Variants in CEMIP observed in about 807,000 individuals in gnomAD.
The protein encoded by CEMIP is cell migration-inducing and hyaluronan-binding protein.
CEMIP carries 105 observed loss-of-function variants against 156.9 expected under a neutral mutation model. The observed-to-expected ratio is 0.67, with a 90% CI of 0.57 to 0.79. The LOEUF is 0.79. Ranked by LOEUF, CEMIP falls within the 30% of genes least tolerant of loss-of-function variation. CEMIP has a pLI of 0.00. For missense variants in CEMIP, 1,457 were observed against 1,769.4 expected, an observed-to-expected ratio of 0.82 and a Z score of 3.17; for synonymous variants, 676 against 668.4, an observed-to-expected ratio of 1.01 and a Z score of -0.17.
intron 14 of CEMIP, among the ~76,000 whole-genome samples, chr15:80,915,693 C>T (rs937003629): frequency 6.6e-6 from 1 of 152,110 alleles, no homozygotes; most frequent in African/African-American, 2.4e-5. Flanking sequence ...TTGTTGAGTT[C>T]TTGCCCCTCC....
At chr15:80,839,518 G>C (rs987602145) in intron 1 of CEMIP, among the ~76,000 whole-genome samples, 3 of 152,188 alleles carry the variant, frequency 2.0e-5, no homozygotes, top group Non-Finnish European at 4.4e-5. Flanking sequence ...CAGCAGCGAA[G>C]CCGGCCAGAC....
At chr15:80,861,408 A>G (rs970192001) in intron 1 of CEMIP, among the ~76,000 whole-genome samples, 1 of 152,196 alleles carries the variant, frequency 6.6e-6, no homozygotes, top group Non-Finnish European at 1.5e-5. Context: ...TGAACCCTGC[A>G]CTACGCTCAT....
intron 1 of CEMIP, among the ~76,000 whole-genome samples, chr15:80,822,376 T>C (rs1475411428): frequency 1.3e-5 from 2 of 152,176 alleles, no homozygotes; most frequent in African/African-American, 2.4e-5. Context: ...GTTTTGACAG[T>C]CTTCTCATAT....
intron 1 of CEMIP, among the ~76,000 whole-genome samples, chr15:80,854,317 C>T (rs1245798692): frequency 6.6e-6 from 1 of 152,252 alleles, no homozygotes; most frequent in Non-Finnish European, 1.5e-5. Context: ...GGGCTCTTCT[C>T]CCTGCCTGGC....
chr15:80,791,087 T>C (rs78217646), intron 1 of CEMIP, among the ~76,000 whole-genome samples: 1,525 of 151,312 alleles, frequency 0.01, 20 homozygotes, highest in African/African-American at 0.034. Flanking sequence ...GGAAGGAATA[T>C]CTTGAACTGA....
In CEMIP at chr15:80,949,436, G is replaced by T. The variant is rs924266876; in HGVS notation, c.*512G>T. The stretch of plus-strand genomic sequence containing the variant: ...CCAACCTCACAGGATTAGGAGCTGG[G>T]GTAGAACTGGCTATCCTTGGGGAAG... On this transcript the variant is annotated 3_prime_UTR_variant, in exon 30 of 30. Transcript: ENST00000394685. The T allele has an allele frequency of 2.0e-5, 4 of 202,448 alleles. No homozygotes were observed. The highest frequency in any genetic ancestry group is 6.9e-5 in the African/African-American group (3 of 43,646). The allele number at this position is 202,448 out of a possible 1,614,324, so 12.5% of individuals were successfully genotyped here. A position where few individuals can be genotyped will look rare whatever the true frequency, so the allele number is the denominator to read the frequency against.
chr15:80,896,018 C>T lies in CEMIP; in HGVS notation c.1369C>T (p.Leu457Phe). Residue 457 changes from leucine to phenylalanine, a missense_variant, in exon 12 of 30, where the codon CTT becomes TTT. Leu to Phe is a conservative substitution (Grantham distance 22). Around this residue, in one of 5 missense-constraint regions of CEMIP, gnomAD observed 280 missense variants for 300.3 expected, o/e 0.93. Transcript: ENST00000394685. ...SMYQAEEFQV[L>F]PCRSCAPNQV... ...GTACCAGGCAGAAGAGTTCCAGGTG[C>T]TTCCCTGCAGATCCTGCGCCCCCAA... 1.2e-6 allele frequency: 2 copies of T among 1,614,188 alleles called. No individual in the cohort carries two copies. The highest frequency in any genetic ancestry group is 1.7e-6 in the Non-Finnish European group (2 of 1,180,036).
At chr15:80,888,596 A>G (rs1898929512) in intron 8 of CEMIP, 105 bp from the exon 9 acceptor site, 9 of 815,052 alleles carry the variant, frequency 1.1e-5, no homozygotes, top group Non-Finnish European at 1.9e-5. Context: ...TTTTAAAGAA[A>G]TGAGTCAATG....
In CEMIP at chr15:80,884,156, TTC is replaced by T. The variant is rs1242412768; in HGVS notation, c.618-13_618-12del. ...CTGCGGTCAAGACTATTCAGATCTCTTCTCTCTGCCCTTTTTAGGTTTGACAC... is the reference window on the plus strand; with the variant it reads ...CTGCGGTCAAGACTATTCAGATCTCTTCTCTGCCCTTTTTAGGTTTGACAC... On this transcript the variant is annotated splice_polypyrimidine_tract_variant and intron_variant, in intron 6 of 29. Transcript: ENST00000394685. 1.9e-6 allele frequency: 3 copies of T among 1,613,716 alleles called. No individual in the cohort carries two copies. Among genetic ancestry groups the T allele is most frequent in the Admixed American group, 1.7e-5 (1 of 60,014 alleles).
At chr15:80,812,281 G>A (rs975827096) in intron 1 of CEMIP, among the ~76,000 whole-genome samples, 1 of 152,142 alleles carries the variant, frequency 6.6e-6, no homozygotes, top group Admixed American at 6.5e-5. Context: ...CTGCATCTGG[G>A]GATCACTTAA....
At chr15:80,911,760 C>G (rs1456436640) in intron 14 of CEMIP, among the ~76,000 whole-genome samples, 1 of 152,258 alleles carries the variant, frequency 6.6e-6, no homozygotes, top group African/African-American at 2.4e-5. Flanking sequence ...GAGTGCTGAG[C>G]CCAGGTCTTA....
intron 1 of CEMIP, among the ~76,000 whole-genome samples, chr15:80,855,752 T>C (rs1324618171): frequency 6.6e-6 from 1 of 152,150 alleles, no homozygotes; most frequent in Admixed American, 6.5e-5. Flanking sequence ...CGAACTCCTG[T>C]CCTCAAGAGA....
At chr15:80,784,345 A>G (rs1209211546) in intron 1 of CEMIP, among the ~76,000 whole-genome samples, 1 of 152,058 alleles carries the variant, frequency 6.6e-6, no homozygotes, top group Non-Finnish European at 1.5e-5. Context: ...TTGCTGTCTT[A>G]CCTGTTTTTA....
At chr15:80,830,118 T>C (rs1897128484) in intron 1 of CEMIP, among the ~76,000 whole-genome samples, 1 of 152,168 alleles carries the variant, frequency 6.6e-6, no homozygotes, top group Non-Finnish European at 1.5e-5. Context: ...TGACTCCTTG[T>C]CTCACAATTC....
intron 6 of CEMIP, among the ~76,000 whole-genome samples, 168 bp downstream of exon 6, chr15:80,881,304 G>A (rs544971873): frequency 5.8e-4 from 89 of 152,330 alleles, no homozygotes; most frequent in African/African-American, 2.1e-3. Flanking sequence ...TTGGCCTAAT[G>A]ATGCTGAATT....
intron 12 of CEMIP, among the ~76,000 whole-genome samples, chr15:80,904,590 A>G (rs1899714017): frequency 6.6e-6 from 1 of 152,228 alleles, no homozygotes; most frequent in Admixed American, 6.5e-5. Flanking sequence ...GGTCCTTAAA[A>G]GAGGGACACA....
In CEMIP at chr15:80,941,915, C is replaced by T. The variant is rs754523735; in HGVS notation, c.3474C>T (p.Gly1158=). ...REKFAFCSMK[G]CERIKIKALI... ...AGTTTGCTTTCTGCTCCATGAAAGGCTGTGAGAGGATAAAGATTAAAGCTC... is the reference window on the plus strand; with the variant it reads ...AGTTTGCTTTCTGCTCCATGAAAGGTTGTGAGAGGATAAAGATTAAAGCTC... Residue 1158 remains glycine, a synonymous_variant, in exon 26 of 30, where the codon GGC becomes GGT. Transcript: ENST00000394685. 2.5e-6 allele frequency: 4 copies of T among 1,613,864 alleles called. No individual in the cohort carries two copies. The African/African-American group carries it at 5.3e-5, about 22-fold the overall frequency.
chr15:80,812,987 G>C (rs1449999269), intron 1 of CEMIP, among the ~76,000 whole-genome samples: 2 of 152,156 alleles, frequency 1.3e-5, no homozygotes, highest in Non-Finnish European at 2.9e-5. Context: ...AAATTAAGGG[G>C]GATAGACTTC....
At chr15:80,835,551 A>G (rs1897253770) in intron 1 of CEMIP, among the ~76,000 whole-genome samples, 1 of 152,248 alleles carries the variant, frequency 6.6e-6, no homozygotes, top group Admixed American at 6.5e-5. Flanking sequence ...CAAAGAAGGA[A>G]GCAGTTTGTC....
Sources: gnomAD v4.1 joint callset for allele counts (sites outside exome capture counted in the v4.1 genomes callset) on GRCh38, gnomAD v4.1.1 for gene constraint, gnomAD v4.1.1 regional missense constraint, MANE v1.5 for transcripts, NCBI Gene and HGNC (gene_info 2026-07-23, HGNC 2026-07-21) for gene names.